ABCA8: variants seen among roughly 807,000 people sequenced by gnomAD.
ABCA8 encodes the protein ATP binding cassette subfamily A member 8.
ABCA8 carries 177 observed loss-of-function variants against 192.3 expected under a neutral mutation model. That is an observed-to-expected ratio of 0.92 (90% CI 0.81 to 1.04). The LOEUF is 1.04. Ranked by LOEUF, ABCA8 falls within the 50% of genes least tolerant of loss-of-function variation. The pLI is 0.00. For synonymous variants in ABCA8, 642 were observed against 690.2 expected (o/e 0.93, Z 1.09); for missense variants, 1,915 against 1,904.8 (o/e 1.01, Z -0.10).
rs1567859065 is a variant in ABCA8 at position 68,918,062 on chromosome 17, C to A, written c.2032G>T (p.Ala678Ser). 1 of 1,614,088 alleles carries A rather than the reference C, an allele frequency of 6.2e-7. No individual in the cohort carries two copies. Among genetic ancestry groups the A allele is most frequent in the East Asian group, 2.2e-5 (1 of 44,878 alleles). ...ILFSTQFMDE[A>S]DILADRKVFL... The stretch of plus-strand genomic sequence containing the variant: ...CAGTGATTACCCGCCAGGATGTCGG[C>A]CTCATCCATGAACTGGGTACTGAAG... Residue 678 changes from alanine to serine, a missense_variant, in exon 16 of 40, where the codon GCC becomes TCC. Transcript: ENST00000586539.
chr17:68,938,917 C>T (rs1391248356), intron 4 of ABCA8, among the ~76,000 whole-genome samples: 2 of 152,094 alleles, frequency 1.3e-5, no homozygotes, highest in Non-Finnish European at 2.9e-5. Context: ...TTCTTATTAA[C>T]TTTATTGACA....
chr17:68,946,050 A>AAATT (rs34544091), intron 2 of ABCA8, among the ~76,000 whole-genome samples: 20,131 of 148,762 alleles, frequency 0.14, 1,937 homozygotes, highest in African/African-American at 0.26. Context: ...CTTTTTACCA[A>AAATT]AATTAATTAA....
At position 68,919,452 on chromosome 17, in the gene ABCA8, T is replaced by G. The variant is rs1224215839; in HGVS notation, c.1637A>C (p.Lys546Thr). ...TTCTAGGTCAGCCATTTCTGAAAGC[T>G]TATTGTTATAGATGGTGACTGAACC... ...TKGSVTIYNN[K>T]LSEMADLENL... Residue 546 changes from lysine (K) to threonine (T), a missense_variant, in exon 14 of 40, where the codon AAG (lysine) becomes ACG (threonine). Transcript: ENST00000586539. The G allele has an allele frequency of 1.2e-6, 2 of 1,613,968 alleles. No homozygotes were observed. Among genetic ancestry groups the G allele is most frequent in the Non-Finnish European group, 1.7e-6 (2 of 1,179,940 alleles).
At chr17:68,868,424 G>A (rs766293627) in intron 38 of ABCA8, 68 bp from the exon 39 acceptor site, 7 of 1,320,674 alleles carry the variant, frequency 5.3e-6, no homozygotes, top group Non-Finnish European at 7.5e-6. Flanking sequence ...TCAGCATATA[G>A]TACAAATGAT....
intron 1 of ABCA8, 90 bp downstream of exon 1, chr17:68,955,129 G>A: frequency 6.6e-6 from 1 of 152,128 alleles, no homozygotes; most frequent in East Asian, 1.9e-4. Context: ...ATAATTTTGT[G>A]ATAGGAATAA....
intron 11 of ABCA8, 55 bp downstream of exon 11, chr17:68,924,646 G>T: frequency 6.4e-7 from 1 of 1,565,206 alleles, no homozygotes; most frequent in Non-Finnish European, 8.6e-7. Flanking sequence ...TGCCTCAGGT[G>T]CTATCTCTTA....
intron 31 of ABCA8, 111 bp downstream of exon 31, chr17:68,881,752 C>T: frequency 1.4e-6 from 1 of 738,354 alleles, no homozygotes; most frequent in South Asian, 1.7e-5. Context: ...TTGTCATTCT[C>T]CTCTGGGTCT....
rs1191921114 is a variant in ABCA8 at position 68,933,202 on chromosome 17, G to T, written c.536C>A (p.Ala179Asp). The change falls in exon 6 of 40, where the codon GCT becomes GAT. Residue 179 changes from alanine to aspartate, a missense_variant. Coordinates refer to ENST00000586539, the MANE Select transcript of ABCA8 (RefSeq NM_001288985.2). The stretch of plus-strand genomic sequence containing the variant: ...AGCAGCATTAATGGCAGCTTGAAGA[G>T]CCACAAAACCTTCCTTCCAAAATAC... ...VSVFWKEGFVALQAAINAAII... is the reference protein window; with the variant it reads ...VSVFWKEGFVDLQAAINAAII... 2 of 1,613,122 alleles carry T rather than the reference G, an allele frequency of 1.2e-6. No homozygotes were observed. Among genetic ancestry groups the T allele is most frequent in the Admixed American group, 3.3e-5 (2 of 59,890 alleles).
At chr17:68,908,957 A>C (rs1423111621) in intron 17 of ABCA8, among the ~76,000 whole-genome samples, 1 of 152,238 alleles carries the variant, frequency 6.6e-6, no homozygotes, top group Admixed American at 6.5e-5. Context: ...CAAATGCATA[A>C]GTCAAAAATT....
intron 24 of ABCA8, 69 bp downstream of exon 24, chr17:68,891,420 A>G: frequency 9.0e-7 from 1 of 1,117,018 alleles, no homozygotes; most frequent in Non-Finnish European, 1.3e-6. Flanking sequence ...TATTCTTATG[A>G]AAAATTGTAA....
At chr17:68,888,979 A>C (rs1345847228) in intron 24 of ABCA8, among the ~76,000 whole-genome samples, 1 of 152,228 alleles carries the variant, frequency 6.6e-6, no homozygotes, top group Non-Finnish European at 1.5e-5. Flanking sequence ...CTTAGGATAA[A>C]CATGGTGAAA....
At chr17:68,931,761 C>CATTTTT (rs1491446635) in intron 7 of ABCA8, 1 of 96,194 alleles carries the variant, frequency 1.0e-5, no homozygotes, top group African/African-American at 3.5e-5. Flanking sequence ...AATACATTTC[C>CATTTTT]TTTTTTTTTT....
chr17:68,902,846 A>C lies in ABCA8; in HGVS notation c.2631T>G (p.Leu877=), dbSNP rs761465375. 6.2e-7 allele frequency: 1 copy of C among 1,613,242 alleles called. No homozygotes were observed. The highest frequency in any genetic ancestry group is 8.5e-7 in the Non-Finnish European group (1 of 1,179,704). ...LLILMAGFCP[L]LVEYTMVKIY... ...TTTTCACCATGGTATACTCCACAAGAAGAGGGCAAAATCCAGCCATTAGAA... is the reference window on the plus strand; with the variant it reads ...TTTTCACCATGGTATACTCCACAAGCAGAGGGCAAAATCCAGCCATTAGAA... Residue 877 remains leucine, a synonymous_variant, in exon 21 of 40, where the codon CTT becomes CTG. Transcript: ENST00000586539.
chr17:68,943,551 A>G (rs1478676919), intron 2 of ABCA8, among the ~76,000 whole-genome samples: 3 of 152,216 alleles, frequency 2.0e-5, no homozygotes, highest in African/African-American at 7.2e-5. Context: ...TAATAATGAA[A>G]CAAAGTCAGA....
chr17:68,907,613 C>A lies in ABCA8; in HGVS notation c.2278+127G>T, dbSNP rs1041064067. ...AAAATAATTCAGTTATTGTACTATT[C>A]TTTTGATTATGTTTCAGTACCTGAG... On this transcript the variant is annotated intron_variant, in intron 18 of 39. Transcript: ENST00000586539. The A allele has an allele frequency of 1.8e-5, 15 of 827,460 alleles. No individual in the cohort carries two copies. The African/African-American group carries it at 2.5e-4, about 14-fold the overall frequency. The allele number at this position is 827,460 out of a possible 1,614,324, so 51.3% of individuals were successfully genotyped here.
In ABCA8 at chr17:68,929,089, C is replaced by T; in HGVS notation, c.1085G>A (p.Ser362Asn). The T allele has an allele frequency of 6.3e-7, 1 of 1,599,858 alleles. No homozygotes were observed. The highest frequency in any genetic ancestry group is 2.2e-5 in the East Asian group (1 of 44,484). ...CATGAAGGCAAAGGGACTAAGCAAGCTTAAAATCCACTCCAAGGATGCAGG... is the reference window on the plus strand; with the variant it reads ...CATGAAGGCAAAGGGACTAAGCAAGTTTAAAATCCACTCCAAGGATGCAGG... The part of the protein sequence containing the change: ...HLPASLEWIL[S>N]LLSPFAFMLG... Residue 362 changes from serine to asparagine, a missense_variant, in exon 9 of 40, where the codon AGC becomes AAC. By Grantham distance (46) the Ser-to-Asn change is conservative (BLOSUM62 1). Coordinates refer to ENST00000586539, the MANE Select transcript of ABCA8 (RefSeq NM_001288985.2).
At position 68,894,295 on chromosome 17, in the gene ABCA8, A is replaced by C. The variant is rs747703402; in HGVS notation, c.2914T>G (p.Leu972Val). The change falls in exon 23 of 40, where the codon TTA (leucine) becomes GTA (valine). Residue 972 changes from leucine (L) to valine (V), a missense_variant. By Grantham distance (32) the Leu-to-Val change is conservative (BLOSUM62 1). Transcript: ENST00000586539. Reference sequence around the variant, plus strand: ...TTCAATCTTTTGGCATTGCATGCTAACGAAAAGCTGTAATTCTAAAATATA... The same window carrying C: ...TTCAATCTTTTGGCATTGCATGCTACCGAAAAGCTGTAATTCTAAAATATA... ...CCNEKNYSFS[L>V]ACNAKRLNCF... 5.0e-6 allele frequency: 8 copies of C among 1,608,772 alleles called. 1 individual carries two copies. In the South Asian group the frequency reaches 8.9e-5, roughly 18 times the overall value.
chr17:68,920,042 C>T (rs1429360032), intron 13 of ABCA8: 1 of 152,144 alleles, frequency 6.6e-6, no homozygotes, highest in Non-Finnish European at 1.5e-5. Flanking sequence ...AATGGGGGTA[C>T]ATACACTCCG....
chr17:68,873,298 A>G (rs1307081449), intron 37 of ABCA8, among the ~76,000 whole-genome samples: 1 of 152,218 alleles, frequency 6.6e-6, no homozygotes, highest in Non-Finnish European at 1.5e-5. Context: ...GCAATAGGAT[A>G]TACCATATAG....
Sources: allele counts gnomAD v4.1 joint callset (sites outside exome capture counted in the v4.1 genomes callset), GRCh38; gene constraint gnomAD v4.1.1; transcripts MANE v1.5; gene names NCBI Gene and HGNC (gene_info 2026-07-23, HGNC 2026-07-21).